The following LNX1 variants were observed in gnomAD, a reference collection of about 807,000 sequenced individuals.
LNX1 encodes the protein E3 ubiquitin-protein ligase LNX.
LNX1 carries 54 observed loss-of-function variants against 68.4 expected under a neutral mutation model. The observed-to-expected ratio is 0.79, with a 90% CI of 0.63 to 0.99. LNX1 has a LOEUF of 0.99. Ranked by LOEUF, LNX1 falls within the 50% of genes least tolerant of loss-of-function variation. The pLI is 0.00. For synonymous variants in LNX1, 336 were observed against 350.0 expected (o/e 0.96, Z 0.45); for missense variants, 906 against 926.4 (o/e 0.98, Z 0.29).
At chr4:53,475,022 C>T (rs1723473817) in intron 9 of LNX1, among the ~76,000 whole-genome samples, 1 of 152,064 alleles carries the variant, frequency 6.6e-6, no homozygotes, top group African/African-American at 2.4e-5. Context: ...CTCACCTTAG[C>T]CTCCCAAACT....
chr4:53,612,840 G>A lies in LNX1; in HGVS notation c.-215+3677C>T, dbSNP rs369075994. Among the ~76,000 whole-genome samples the A allele has an allele frequency of 3.6e-4, 54 of 151,686 alleles. 2 individuals are homozygous for A. The South Asian group carries it at 0.01, about 29-fold the overall frequency. On this transcript the variant is annotated intron_variant, in intron 2 of 3. Transcript: ENST00000504299. Reference sequence around the variant, plus strand: ...TTTGAGGCTGCAGTGATCTGTGGTCGTATCACTGCACTCCAGCCTGGTTGA... The same window carrying A: ...TTTGAGGCTGCAGTGATCTGTGGTCATATCACTGCACTCCAGCCTGGTTGA...
At chr4:53,470,414 C>T (rs1173660733) in intron 9 of LNX1, among the ~76,000 whole-genome samples, 1 of 152,150 alleles carries the variant, frequency 6.6e-6, no homozygotes, top group Non-Finnish European at 1.5e-5. Context: ...GAAGCATTCA[C>T]TTTGAAAACT....
intron 1 of LNX1, among the ~76,000 whole-genome samples, chr4:53,651,308 C>T (rs915216037): frequency 6.6e-6 from 1 of 152,246 alleles, no homozygotes; most frequent in African/African-American, 2.4e-5. Flanking sequence ...TCCTGCTCTG[C>T]ACTGCGTCAG....
At chr4:53,566,845 A>C (rs1730729741) in intron 2 of LNX1, among the ~76,000 whole-genome samples, 1 of 150,936 alleles carries the variant, frequency 6.6e-6, no homozygotes, top group African/African-American at 2.4e-5. Flanking sequence ...CAGGGGTTGC[A>C]ATCCTAGTCT....
intron 2 of LNX1, among the ~76,000 whole-genome samples, chr4:53,567,993 G>T (rs1203653461): frequency 2.0e-5 from 3 of 152,212 alleles, no homozygotes; most frequent in Admixed American, 6.5e-5. Flanking sequence ...CTGAAATTGT[G>T]GCAATAATCA....
Position 53,496,267 on chromosome 4 carries a change from G to A in LNX1, c.1106C>T (p.Ala369Val). Reference sequence around the variant, plus strand: ...ATCTCGGGGTCTGTAGGCATCCGGGGCCTGTCCATTGTTCCTGCTGCGGAA... The same window carrying A: ...ATCTCGGGGTCTGTAGGCATCCGGGACCTGTCCATTGTTCCTGCTGCGGAA... ...QKFRSRNNGQ[A>V]PDAYRPRDDS... Residue 369 changes from alanine (A) to valine (V), a missense_variant, in exon 6 of 11, where the codon GCC becomes GTC. Physicochemically the swap from Ala to Val is moderately conservative, Grantham distance 64. Coordinates refer to ENST00000263925, the MANE Select transcript of LNX1 (RefSeq NM_001126328.3). 6.2e-7 allele frequency: 1 copy of A among 1,614,042 alleles called. No homozygotes were observed. Among genetic ancestry groups the A allele is most frequent in the South Asian group, 1.1e-5 (1 of 91,062 alleles).
At chr4:53,563,025 T>G (rs1041308714) in intron 2 of LNX1, among the ~76,000 whole-genome samples, 3 of 151,866 alleles carry the variant, frequency 2.0e-5, no homozygotes, top group Admixed American at 2.0e-4. Context: ...GCTAACATGG[T>G]AAAAACCTGT....
intron 2 of LNX1, among the ~76,000 whole-genome samples, chr4:53,540,907 C>T (rs1040094671): frequency 1.3e-5 from 2 of 151,874 alleles, no homozygotes; most frequent in Admixed American, 6.6e-5. Context: ...GAGGCTGAGA[C>T]GGGCGGATCA....
At chr4:53,634,310 C>A (rs1734381799) in intron 1 of LNX1, among the ~76,000 whole-genome samples, 1 of 150,158 alleles carries the variant, frequency 6.7e-6, no homozygotes, top group African/African-American at 2.5e-5. Flanking sequence ...GTGGCAGGAT[C>A]TCAGCTCATT....
At position 53,471,329 on chromosome 4, in the gene LNX1, C is replaced by G. The variant is rs557138235; in HGVS notation, c.1892+5424G>C. Among the ~76,000 whole-genome samples the G allele has an allele frequency of 1.8e-3, 275 of 152,046 alleles. 1 individual carries two copies. The highest frequency in any genetic ancestry group is 6.3e-3 in the African/African-American group (262 of 41,470). On this transcript the variant is annotated intron_variant, in intron 9 of 10. Transcript: ENST00000263925. ...CTGGATCCCTTCCTTACACCTTATA[C>G]AAAAATTAATTCAAGATGGATTAAA...
At chr4:53,515,888 T>C (rs1172106377) in intron 2 of LNX1, among the ~76,000 whole-genome samples, 1 of 152,152 alleles carries the variant, frequency 6.6e-6, no homozygotes, top group Non-Finnish European at 1.5e-5. Flanking sequence ...GACAAGTGTC[T>C]TAATTCCTCT....
At chr4:53,587,620 T>C (rs1330189064) in intron 1 of LNX1, among the ~76,000 whole-genome samples, 1 of 152,108 alleles carries the variant, frequency 6.6e-6, no homozygotes, top group East Asian at 1.9e-4. Flanking sequence ...ACAGACGGCA[T>C]TTCGAGTAGT....
intron 2 of LNX1, among the ~76,000 whole-genome samples, chr4:53,610,504 G>A (rs1301566398): frequency 6.6e-6 from 1 of 151,866 alleles, no homozygotes; most frequent in African/African-American, 2.4e-5. Context: ...TCAGGAGATC[G>A]AGACCATCCT....
At chr4:53,483,285 C>G (rs1560620316) in intron 6 of LNX1, among the ~76,000 whole-genome samples, 1 of 152,184 alleles carries the variant, frequency 6.6e-6, no homozygotes, top group South Asian at 2.1e-4. Flanking sequence ...GCCTCCCCAG[C>G]CATGTAAAAC....
chr4:53,527,470 T>C (rs1727703015), intron 2 of LNX1, among the ~76,000 whole-genome samples: 1 of 152,212 alleles, frequency 6.6e-6, no homozygotes, highest in African/African-American at 2.4e-5. Flanking sequence ...AGCCTGGTGC[T>C]GACTCCTGGT....
intron 1 of LNX1, among the ~76,000 whole-genome samples, chr4:53,624,173 G>A (rs1035480165): frequency 4.6e-5 from 7 of 152,140 alleles, no homozygotes; most frequent in Middle Eastern, 3.4e-3. Flanking sequence ...CTCTTTACAT[G>A]ACTCTTTTAT....
At chr4:53,495,835 C>T (rs191995071) in intron 6 of LNX1, among the ~76,000 whole-genome samples, 188 bp downstream of exon 6, 235 of 152,316 alleles carry the variant, frequency 1.5e-3, no homozygotes, top group Middle Eastern at 6.8e-3. Context: ...TGGGCCACCA[C>T]GCCCAGCCGA....
intron 6 of LNX1, among the ~76,000 whole-genome samples, chr4:53,485,091 T>G (rs1691256692): frequency 6.6e-6 from 1 of 152,252 alleles, no homozygotes; most frequent in African/African-American, 2.4e-5. Context: ...AATCCAATTC[T>G]TGGAAGAGTA....
intron 5 of LNX1, among the ~76,000 whole-genome samples, chr4:53,497,634 G>A (rs12511253): frequency 0.39 from 59,559 of 152,094 alleles, 12,129 homozygotes; most frequent in South Asian, 0.59. Flanking sequence ...TCCAGTTGAA[G>A]GCCACAAGAA....
Sources: allele counts gnomAD v4.1 joint callset (sites outside exome capture counted in the v4.1 genomes callset), GRCh38; gene constraint gnomAD v4.1.1; transcripts MANE v1.5; gene names NCBI Gene and HGNC (gene_info 2026-07-23, HGNC 2026-07-21).